The following TPRG1 variants were observed in gnomAD, a reference collection of about 807,000 sequenced individuals.
The protein encoded by TPRG1 is tumor protein p63-regulated gene 1 protein.
In TPRG1, 29 loss-of-function variants were observed where a neutral mutation model predicts 29.3. That is an observed-to-expected ratio of 0.99 (90% confidence interval 0.74 to 1.35). The LOEUF is 1.35. Among genes scored for constraint, TPRG1 ranks in the 40% most tolerant of loss-of-function variants. TPRG1 has a pLI of 0.00. For synonymous variants in TPRG1, 130 were observed against 116.8 expected (o/e 1.11, Z -0.73); for missense variants, 327 against 335.0 (o/e 0.98, Z 0.19).
intron 1 of TPRG1, among the ~76,000 whole-genome samples, chr3:189,107,077 T>TA (rs1553903828): frequency 6.6e-6 from 1 of 152,180 alleles, no homozygotes; most frequent in Non-Finnish European, 1.5e-5. Context: ...CCTGACTTTT[T>TA]AAACAGAATT....
At chr3:189,085,327 T>C (rs1717857960) in intron 4 of TPRG1, among the ~76,000 whole-genome samples, 1 of 152,168 alleles carries the variant, frequency 6.6e-6, no homozygotes, top group Non-Finnish European at 1.5e-5. Flanking sequence ...TCACATCTCA[T>C]AGTATTTGCA....
chr3:189,291,481 T>C (rs1718992100), intron 4 of TPRG1, among the ~76,000 whole-genome samples: 1 of 152,214 alleles, frequency 6.6e-6, no homozygotes, highest in Non-Finnish European at 1.5e-5. Context: ...TTTGAAACTA[T>C]GGTGCCAAAG....
intron 4 of TPRG1, among the ~76,000 whole-genome samples, chr3:189,057,996 A>G (rs1042224597): frequency 1.3e-5 from 2 of 151,814 alleles, no homozygotes; most frequent in Non-Finnish European, 2.9e-5. Context: ...TGTATATATT[A>G]TGCTGAATAT....
chr3:189,238,957 C>T, intron 4 of TPRG1, 48 bp downstream of exon 4: 1 of 1,487,212 alleles, frequency 6.7e-7, no homozygotes, highest in Non-Finnish European at 9.0e-7. Context: ...AGGGATGGAC[C>T]TGCAGGGAAA....
intron 4 of TPRG1, among the ~76,000 whole-genome samples, chr3:189,281,379 TGTA>T (rs1465690997): frequency 1.3e-5 from 2 of 152,242 alleles, no homozygotes; most frequent in African/African-American, 4.8e-5. Flanking sequence ...TTGTTGGGTC[TGTA>T]TGTGAAACTT....
intron 3 of TPRG1, among the ~76,000 whole-genome samples, chr3:189,023,190 G>A (rs867827131): frequency 1.6e-4 from 24 of 152,226 alleles, no homozygotes; most frequent in Admixed American, 3.9e-4. Context: ...CCCGTCTTCT[G>A]CGTCGCTCAC....
At chr3:189,005,477 G>A (rs976633738) in intron 3 of TPRG1, among the ~76,000 whole-genome samples, 1 of 151,880 alleles carries the variant, frequency 6.6e-6, no homozygotes, top group Admixed American at 6.6e-5. Context: ...TTTCAAATCA[G>A]GAAAAAACTA....
chr3:189,097,111 G>A (rs1213842690), upstream of TPRG1, among the ~76,000 whole-genome samples: 2 of 152,176 alleles, frequency 1.3e-5, no homozygotes, highest in Non-Finnish European at 2.9e-5. Context: ...TTGGTTCACT[G>A]ACTTCTACCA....
intron 5 of TPRG1, 135 bp from the exon 6 acceptor site, chr3:189,320,490 CA>C: frequency 1.6e-6 from 1 of 629,454 alleles, no homozygotes; most frequent in Non-Finnish European, 2.5e-6. Flanking sequence ...TAAATTTAAC[CA>C]TTTATGTTTA....
At chr3:189,195,781 C>T (rs1732437866) in intron 1 of TPRG1, among the ~76,000 whole-genome samples, 1 of 152,118 alleles carries the variant, frequency 6.6e-6, no homozygotes, top group Non-Finnish European at 1.5e-5. Context: ...GACAGAAGTT[C>T]CTCCTAGTTC....
At chr3:189,092,432 T>C (rs1578333197) in intron 4 of TPRG1, among the ~76,000 whole-genome samples, 1 of 149,674 alleles carries the variant, frequency 6.7e-6, no homozygotes, top group Non-Finnish European at 1.5e-5. Context: ...ACATTATTTA[T>C]CTGAAATTTC....
At chr3:189,317,734 G>C (rs1017761936) in intron 5 of TPRG1, among the ~76,000 whole-genome samples, 2 of 152,186 alleles carry the variant, frequency 1.3e-5, no homozygotes, top group Admixed American at 1.3e-4. Flanking sequence ...CAGTGTCCCA[G>C]TGAGATATTA....
At chr3:189,194,873 C>T (rs145343426) in intron 1 of TPRG1, among the ~76,000 whole-genome samples, 32 of 152,210 alleles carry the variant, frequency 2.1e-4, no homozygotes, top group Non-Finnish European at 4.3e-4. Flanking sequence ...TGGAGCTGGG[C>T]TGGGGACAGC....
chr3:189,204,947 T>TCTCACACACACACACACA (rs766857963), intron 1 of TPRG1, among the ~76,000 whole-genome samples: 3 of 147,178 alleles, frequency 2.0e-5, no homozygotes, highest in East Asian at 4.1e-4. Flanking sequence ...TCTCTCTCTC[T>TCTCACACACACACACACA]CACACACACA....
At chr3:189,051,219 T>A (rs1435997278) in intron 4 of TPRG1, among the ~76,000 whole-genome samples, 1 of 152,154 alleles carries the variant, frequency 6.6e-6, no homozygotes, top group Non-Finnish European at 1.5e-5. Flanking sequence ...CCAGAACTGA[T>A]AAAATAATTC....
chr3:189,124,294 T>C (rs1447161580), intron 1 of TPRG1, among the ~76,000 whole-genome samples: 1 of 152,014 alleles, frequency 6.6e-6, no homozygotes, highest in Non-Finnish European at 1.5e-5. Context: ...CATAGTGGCT[T>C]AGAAAAGAAG....
At chr3:189,293,939 T>A (rs1719442399) in intron 4 of TPRG1, among the ~76,000 whole-genome samples, 1 of 152,234 alleles carries the variant, frequency 6.6e-6, no homozygotes. Flanking sequence ...GTTTGCAAGA[T>A]AAACTCCTGA....
upstream of TPRG1, among the ~76,000 whole-genome samples, chr3:189,096,373 T>G (rs940188796): frequency 6.6e-6 from 1 of 152,216 alleles, no homozygotes; most frequent in African/African-American, 2.4e-5. Flanking sequence ...TCCACTTGAG[T>G]GGAGCACTTC....
intron 1 of TPRG1, among the ~76,000 whole-genome samples, chr3:189,113,153 C>T (rs1317883244): frequency 3.3e-5 from 5 of 152,040 alleles, no homozygotes; most frequent in Non-Finnish European, 7.3e-5. Flanking sequence ...GAATGGGAGT[C>T]CACTCATGAT....
Sources: gnomAD v4.1 joint callset for allele counts (sites outside exome capture counted in the v4.1 genomes callset) on GRCh38, gnomAD v4.1.1 for gene constraint, MANE v1.5 for transcripts, NCBI Gene and HGNC (gene_info 2026-07-23, HGNC 2026-07-21) for gene names.